Variants in AGBL1 observed in about 807,000 individuals in gnomAD.
The protein encoded by AGBL1 is cytosolic carboxypeptidase 4.
A neutral mutation model predicts 118.9 loss-of-function variants in AGBL1; 130 were observed. That is an observed-to-expected ratio of 1.09 (90% CI 0.95 to 1.26). The LOEUF (loss-of-function observed/expected upper bound fraction) is 1.26. Ranked by LOEUF, AGBL1 falls within the 50% of genes most tolerant of loss-of-function variation. The pLI is 0.00. For missense variants in AGBL1, 1,584 were observed against 1,298.1 expected, an observed-to-expected ratio of 1.22 and a Z score of -3.38; for synonymous variants, 555 against 478.9, an observed-to-expected ratio of 1.16 and a Z score of -2.08.
In AGBL1 at chr15:86,837,218, G is replaced by C. The variant is rs1266028072; in HGVS notation, c.3159-69869G>C. Among the ~76,000 whole-genome samples the C allele has an allele frequency of 3.9e-5, 5 of 129,032 alleles. 1 individual carries two copies. The South Asian group carries it at 1.5e-3, about 38-fold the overall frequency. The allele number at this position is 129,032 out of a possible 152,430, so 84.7% of individuals were successfully genotyped here. ...TACAGGCTGTTCCAGAAGACTTCCT[G>C]ACTATCAAAAAAAAAAAAAAATGCC... On this transcript the variant is annotated intron_variant, in intron 22 of 22. Transcript: ENST00000614907.
chr15:86,309,710 TAAC>T (rs919287795), intron 17 of AGBL1, among the ~76,000 whole-genome samples: 3 of 152,214 alleles, frequency 2.0e-5, no homozygotes, highest in Non-Finnish European at 4.4e-5. Flanking sequence ...ATCACAATAA[TAAC>T]ATTTATTGTT....
chr15:86,115,132 A>G (rs1897673837), intron 1 of AGBL1, among the ~76,000 whole-genome samples: 1 of 152,180 alleles, frequency 6.6e-6, no homozygotes, highest in Non-Finnish European at 1.5e-5. Flanking sequence ...CAATGAGACC[A>G]CTTTTGTTTT....
intron 24 of AGBL1, among the ~76,000 whole-genome samples, chr15:86,994,282 C>G (rs1255316205): frequency 6.6e-6 from 1 of 151,556 alleles, no homozygotes; most frequent in Non-Finnish European, 1.5e-5. Context: ...TTTGAAAAGC[C>G]TAAACAACAA....
At chr15:86,705,449 A>G (rs2086433219) in intron 22 of AGBL1, among the ~76,000 whole-genome samples, 2 of 152,118 alleles carry the variant, frequency 1.3e-5, no homozygotes, top group African/African-American at 2.4e-5. Context: ...AAACTCATAG[A>G]GTTATGGTGA....
chr15:86,815,781 C>T (rs1217676066), intron 22 of AGBL1, among the ~76,000 whole-genome samples: 1 of 152,108 alleles, frequency 6.6e-6, no homozygotes, highest in Non-Finnish European at 1.5e-5. Flanking sequence ...TCCTCTTCTA[C>T]CTCCCAGAAT....
At chr15:86,367,330 A>G (rs1389050547) in intron 17 of AGBL1, among the ~76,000 whole-genome samples, 2 of 152,190 alleles carry the variant, frequency 1.3e-5, no homozygotes, top group East Asian at 1.9e-4. Flanking sequence ...CTAGAGATAC[A>G]AGTTTATATG....
intron 17 of AGBL1, chr15:86,316,858 C>G (rs2080020561): frequency 6.6e-6 from 1 of 152,270 alleles, no homozygotes; most frequent in Non-Finnish European, 1.5e-5. Flanking sequence ...GGTCTTGATC[C>G]TTGACTTCCT....
intron 18 of AGBL1, among the ~76,000 whole-genome samples, chr15:86,475,302 CT>C (rs2082542093): frequency 6.6e-6 from 1 of 152,158 alleles, no homozygotes; most frequent in Non-Finnish European, 1.5e-5. Context: ...TTCGAACCCA[CT>C]GCAAAGAAGC....
At chr15:86,598,153 T>G (rs1348335449) in intron 21 of AGBL1, among the ~76,000 whole-genome samples, 1 of 152,136 alleles carries the variant, frequency 6.6e-6, no homozygotes, top group African/African-American at 2.4e-5. Context: ...AGATATTCAC[T>G]GCTAGAGGAT....
chr15:86,588,542 G>T lies in AGBL1; in HGVS notation c.2994+34005G>T, dbSNP rs977504733. 8.5e-5 allele frequency among the ~76,000 whole-genome samples: 13 copies of T among 152,274 alleles called. No homozygotes were observed. The East Asian group carries it at 2.3e-3, about 27-fold the overall frequency. ...GTGGCTTTTCAACATTTTTCATAAGGCTGAAGCTCATATGCAGATAGAACT... is the reference window on the plus strand; with the variant it reads ...GTGGCTTTTCAACATTTTTCATAAGTCTGAAGCTCATATGCAGATAGAACT... On this transcript the variant is annotated intron_variant, in intron 21 of 22. Transcript: ENST00000614907.
intron 23 of AGBL1, among the ~76,000 whole-genome samples, chr15:86,947,087 A>C (rs933844653): frequency 2.6e-5 from 4 of 152,168 alleles, no homozygotes; most frequent in African/African-American, 9.7e-5. Flanking sequence ...AAACACGAAG[A>C]TCATCTCTGC....
intron 21 of AGBL1, among the ~76,000 whole-genome samples, chr15:86,595,919 C>T (rs1196648163): frequency 6.6e-6 from 1 of 151,886 alleles, no homozygotes; most frequent in African/African-American, 2.4e-5. Context: ...GGGTGGGAGC[C>T]ACAGAATGAG....
intron 23 of AGBL1, among the ~76,000 whole-genome samples, chr15:86,952,787 T>C (rs1004239937): frequency 2.0e-5 from 3 of 152,140 alleles, no homozygotes; most frequent in Non-Finnish European, 4.4e-5. Flanking sequence ...ATTTCCTAGA[T>C]TTTTAAAGAA....
In AGBL1 at chr15:86,264,414, C is replaced by G; in HGVS notation, c.1243C>G (p.Leu415Val). 4 of 1,613,992 alleles carry G rather than the reference C, an allele frequency of 2.5e-6. No homozygotes were observed. Among genetic ancestry groups the G allele is most frequent in the Non-Finnish European group, 3.4e-6 (4 of 1,179,878 alleles). ...QEREYAVQTS[L>V]LCRVKTGRST... is the part of the protein sequence containing the mutation. ...AAGAGAATATGCTGTCCAGACTTCCCTTCTGTGCAGGGTGAAGACGGGAAG... is the reference window on the plus strand; with the variant it reads ...AAGAGAATATGCTGTCCAGACTTCCGTTCTGTGCAGGGTGAAGACGGGAAG... Residue 415 changes from leucine (L) to valine (V), a missense_variant, in exon 11 of 23, where the codon CTT becomes GTT. Coordinates refer to ENST00000614907, the MANE Select transcript of AGBL1 (RefSeq NM_001386094.1).
chr15:86,506,436 A>G (rs914248020), intron 18 of AGBL1, among the ~76,000 whole-genome samples: 2 of 152,052 alleles, frequency 1.3e-5, no homozygotes, highest in Non-Finnish European at 2.9e-5. Context: ...ATTTTTTTCA[A>G]CAAATGCCCA....
chr15:86,918,017 A>C (rs900812142), downstream of AGBL1, among the ~76,000 whole-genome samples: 6 of 152,198 alleles, frequency 3.9e-5, no homozygotes, highest in African/African-American at 1.4e-4. Flanking sequence ...TGAAAGGTTC[A>C]GTTGTTCATT....
intron 24 of AGBL1, among the ~76,000 whole-genome samples, chr15:87,003,989 A>G (rs370295953): frequency 9.9e-5 from 15 of 151,842 alleles, no homozygotes; most frequent in South Asian, 6.2e-4. Flanking sequence ...GATCTTAGTT[A>G]TTTCTTGCCT....
At chr15:86,886,527 C>T (rs1055343020) in intron 22 of AGBL1, among the ~76,000 whole-genome samples, 6 of 152,082 alleles carry the variant, frequency 3.9e-5, no homozygotes, top group Non-Finnish European at 8.8e-5. Flanking sequence ...TTGTTTTGGG[C>T]ATATTCTATA....
chr15:86,683,085 A>G (rs1226465752), intron 22 of AGBL1, among the ~76,000 whole-genome samples: 1 of 152,182 alleles, frequency 6.6e-6, no homozygotes, highest in Non-Finnish European at 1.5e-5. Context: ...AAGCAGAGTA[A>G]TTAATGGTGT....
Sources: gnomAD v4.1 joint callset for allele counts (sites outside exome capture counted in the v4.1 genomes callset) on GRCh38, gnomAD v4.1.1 for gene constraint, MANE v1.5 for transcripts, NCBI Gene and HGNC (gene_info 2026-07-23, HGNC 2026-07-21) for gene names.